The following KDM1A variants were observed in gnomAD, a reference collection of about 807,000 sequenced individuals.
The protein encoded by KDM1A is lysine demethylase 1A.
KDM1A carries 49 observed loss-of-function variants against 109.4 expected under a neutral mutation model. The ratio of observed to expected loss-of-function variants is 0.45; its 90% CI spans 0.36 to 0.57. KDM1A has a LOEUF of 0.57. Among genes scored for constraint, KDM1A ranks in the 20% least tolerant of loss-of-function variants. The pLI is 0.00. For synonymous variants in KDM1A, 380 were observed against 415.4 expected, an observed-to-expected ratio of 0.91 and a Z score of 1.04; for missense variants, 668 against 1,116.6, an observed-to-expected ratio of 0.60 and a Z score of 5.73.
intron 1 of KDM1A, among the ~76,000 whole-genome samples, chr1:23,026,513 C>T (rs1426710280): frequency 1.3e-5 from 2 of 151,690 alleles, no homozygotes; most frequent in East Asian, 1.9e-4. Flanking sequence ...CCGTAGCCCC[C>T]CCAAGTAGCT....
intron 8 of KDM1A, 25 bp downstream of exon 8, chr1:23,057,590 T>C: frequency 6.5e-7 from 1 of 1,538,148 alleles, no homozygotes; most frequent in South Asian, 1.1e-5. Flanking sequence ...GTTTGTGCTA[T>C]ATAGTACATG....
intron 2 of KDM1A, among the ~76,000 whole-genome samples, chr1:23,036,179 A>G (rs907497861): frequency 2.8e-4 from 43 of 152,018 alleles, no homozygotes; most frequent in African/African-American, 1.0e-3. Flanking sequence ...AGAGAGAAGG[A>G]CTAGCTTTCA....
intron 16 of KDM1A, among the ~76,000 whole-genome samples, chr1:23,078,118 T>A (rs1643518796): frequency 6.6e-6 from 1 of 152,186 alleles, no homozygotes; most frequent in African/African-American, 2.4e-5. Context: ...TACCCTGCGC[T>A]GCCCCTTTCC....
chr1:23,083,656 T>TTA lies in KDM1A; in HGVS notation c.*296_*297dup, dbSNP rs1465290510. 49 of 240,936 alleles carry TTA rather than the reference T, an allele frequency of 2.0e-4. No individual in the cohort carries two copies. The highest frequency in any genetic ancestry group is 5.6e-4 in the East Asian group (7 of 12,400). 14.9% of individuals were successfully genotyped at this position (240,936 alleles called of 1,614,324 possible). A position where few individuals can be genotyped will look rare whatever the true frequency, so the allele number is the denominator to read the frequency against. On this transcript the variant is annotated 3_prime_UTR_variant, in exon 21 of 21. Coordinates refer to ENST00000400181, the MANE Select transcript of KDM1A (RefSeq NM_001009999.3). ...GGTGTGTGGGGTTTTTGTTTTTTTT[T>TTA]TATATTTTGAGAATAAAACTTCATA... is the stretch of plus-strand genomic sequence containing the variant.
intron 9 of KDM1A, chr1:23,059,372 T>A: frequency 3.1e-6 from 2 of 646,400 alleles, no homozygotes; most frequent in Non-Finnish European, 5.8e-6. Flanking sequence ...TATATACACA[T>A]TTACCTGTCT....
intron 20 of KDM1A, 63 bp downstream of exon 20, chr1:23,082,429 GA>G: frequency 4.9e-6 from 6 of 1,218,558 alleles, no homozygotes; most frequent in Admixed American, 2.7e-5. Context: ...TGATGTCCCT[GA>G]TTTTTTTTTT....
chr1:23,030,080 T>G (rs1227464449), intron 1 of KDM1A, among the ~76,000 whole-genome samples: 1 of 152,270 alleles, frequency 6.6e-6, no homozygotes, highest in African/African-American at 2.4e-5. Context: ...AAGCACAGAC[T>G]TGGCTTTAGA....
intron 9 of KDM1A, among the ~76,000 whole-genome samples, chr1:23,065,057 T>C (rs1184905177): frequency 3.9e-5 from 6 of 152,224 alleles, no homozygotes; most frequent in Admixed American, 3.9e-4. Flanking sequence ...ATGTGGTACT[T>C]AAAACCCATT....
intron 8 of KDM1A, 31 bp from the exon 9 acceptor site, chr1:23,059,042 A>G (rs1367894050): frequency 2.1e-6 from 3 of 1,444,246 alleles, no homozygotes; most frequent in Non-Finnish European, 2.9e-6. Flanking sequence ...TCATAGGTCT[A>G]TTGAATTTAA....
intron 12 of KDM1A, among the ~76,000 whole-genome samples, chr1:23,070,574 C>T (rs534907307): frequency 3.8e-4 from 58 of 151,990 alleles, no homozygotes; most frequent in Admixed American, 1.6e-3. Context: ...TTTGGGAGGC[C>T]GAGGAGGGCA....
intron 2 of KDM1A, among the ~76,000 whole-genome samples, chr1:23,037,103 C>T (rs963076414): frequency 4.7e-5 from 7 of 149,534 alleles, no homozygotes; most frequent in Non-Finnish European, 1.0e-4. Context: ...ATGGTGAAAC[C>T]CCATCTCCAC....
At chr1:23,043,039 G>A (rs1382589564) in intron 2 of KDM1A, among the ~76,000 whole-genome samples, 1 of 152,198 alleles carries the variant, frequency 6.6e-6, no homozygotes, top group East Asian at 1.9e-4. Flanking sequence ...CTGAGCCACT[G>A]CACCCGGCTC....
chr1:23,022,588 C>T (rs1336592166), intron 1 of KDM1A, among the ~76,000 whole-genome samples: 2 of 151,696 alleles, frequency 1.3e-5, no homozygotes, highest in Non-Finnish European at 2.9e-5. Context: ...GATCTGCCCA[C>T]CTCGGCCTCC....
chr1:23,074,715 TG>T (rs1308317417), intron 15 of KDM1A, among the ~76,000 whole-genome samples: 4 of 152,258 alleles, frequency 2.6e-5, no homozygotes, highest in Admixed American at 1.3e-4. Context: ...TACTCCATTT[TG>T]TGTTAATTTT....
At chr1:23,071,607 A>T (rs1173435418) in intron 13 of KDM1A, among the ~76,000 whole-genome samples, 1 of 152,182 alleles carries the variant, frequency 6.6e-6, no homozygotes, top group African/African-American at 2.4e-5. Context: ...TTTAGCCCTA[A>T]CAGTTTAGAG....
chr1:23,041,435 C>CTTTTTTTTTTTTTTT (rs66720696), intron 2 of KDM1A, among the ~76,000 whole-genome samples: 2 of 53,006 alleles, frequency 3.8e-5, no homozygotes, highest in African/African-American at 7.8e-5. Context: ...TCTTTTCTTG[C>CTTTTTTTTTTTTTTT]TTTTTTTTTT....
chr1:23,078,406 A>G (rs553986669), intron 16 of KDM1A, among the ~76,000 whole-genome samples: 1 of 152,356 alleles, frequency 6.6e-6, no homozygotes, highest in African/African-American at 2.4e-5. Context: ...ACAGACATTC[A>G]TTAAAAAACA....
rs550106551 is a variant in KDM1A, at chr1:23,032,288, CA to C, written c.517+1656del. ...TAAATAATTGATTTACCATAGGTTC[CA>C]AGTTGATAAACGTTTCTTTGAAAAT... On this transcript the variant is annotated intron_variant, in intron 2 of 20. Coordinates refer to ENST00000400181, the MANE Select transcript of KDM1A (RefSeq NM_001009999.3). Among the ~76,000 whole-genome samples the C allele has an allele frequency of 1.3e-3, 191 of 151,726 alleles. 1 individual carries two copies. Among genetic ancestry groups the C allele is most frequent in the African/African-American group, 4.3e-3 (179 of 41,412 alleles).
At chr1:23,046,743 A>G (rs1642514353) in intron 3 of KDM1A, among the ~76,000 whole-genome samples, 1 of 152,208 alleles carries the variant, frequency 6.6e-6, no homozygotes, top group African/African-American at 2.4e-5. Context: ...GACCATTAGA[A>G]AGGGCAGTTC....
Sources: gnomAD v4.1 joint callset for allele counts (sites outside exome capture counted in the v4.1 genomes callset) on GRCh38, gnomAD v4.1.1 for gene constraint, MANE v1.5 for transcripts, NCBI Gene and HGNC (gene_info 2026-07-23, HGNC 2026-07-21) for gene names.